Variants in TPPP3 observed in about 807,000 individuals in gnomAD.
TPPP3 encodes tubulin polymerization-promoting protein family member 3.
A neutral mutation model predicts 13.1 loss-of-function variants in TPPP3; 7 were observed. The observed-to-expected ratio is 0.54, with a 90% CI of 0.30 to 1.01. The LOEUF is 1.01. Among genes scored for constraint, TPPP3 ranks in the 50% least tolerant of loss-of-function variants. The pLI is 0.06. For synonymous variants in TPPP3, 87 were observed against 93.7 expected (o/e 0.93, Z 0.41); for missense variants, 185 against 235.0 (o/e 0.79, Z 1.39).
rs2040305791 is a variant in TPPP3 at position 67,390,098 on chromosome 16, C to T, written c.*76G>A. On this transcript the variant is annotated 3_prime_UTR_variant, in exon 4 of 4. Coordinates refer to ENST00000393957, the MANE Select transcript of TPPP3 (RefSeq NM_015964.4). This position sits in a 1 kb window ranked among gnomAD's most constrained non-coding sequence, Gnocchi z 6.4. ...GCAGGGAGGGGACCAGGATCTCTTGCTCCACGTGCCCCTTAGACCCAGGCC... is the reference window on the plus strand; with the variant it reads ...GCAGGGAGGGGACCAGGATCTCTTGTTCCACGTGCCCCTTAGACCCAGGCC... 1 of 1,473,978 alleles carries T rather than the reference C, an allele frequency of 6.8e-7. No individual in the cohort carries two copies. Among genetic ancestry groups the T allele is most frequent in the Admixed American group, 1.9e-5 (1 of 52,236 alleles). 91.3% of individuals were successfully genotyped at this position (1,473,978 alleles called of 1,614,324 possible). A position where few individuals can be genotyped will look rare whatever the true frequency, so the allele number is the denominator to read the frequency against.
Position 67,389,814 on chromosome 16 carries a change from AC to A in TPPP3, c.*359del, listed in dbSNP as rs2040302615. 4.0e-6 allele frequency: 1 copy of A among 247,202 alleles called. No homozygotes were observed. The highest frequency in any genetic ancestry group is 7.9e-6 in the Non-Finnish European group (1 of 126,870). 15.3% of individuals were successfully genotyped at this position (247,202 alleles called of 1,614,324 possible). ...TCATCGTCAACCAGGCCATATTGGT[AC>A]AAAAGGTGTCTTTATTGAGGTCTGG... On this transcript the variant is annotated 3_prime_UTR_variant, in exon 4 of 4. Transcript: ENST00000393957.
In TPPP3 at chr16:67,390,638, A is replaced by T; in HGVS notation, c.189-6T>A. The T allele has an allele frequency of 6.2e-7, 1 of 1,610,378 alleles. No homozygotes were observed. The highest frequency in any genetic ancestry group is 1.3e-5 in the African/African-American group (1 of 74,872). On this transcript the variant is annotated splice_region_variant and splice_polypyrimidine_tract_variant and intron_variant, in intron 2 of 3. Transcript: ENST00000393957. The surrounding 1 kb of genome is among the most constrained non-coding windows in gnomAD (Gnocchi z 6.4). ...TGACCCGAGCAGACTTCCCCCTGAC[A>T]GGCATGTGGGCACCATGAGGGTTCC...
rs1209472159 is a variant in TPPP3 at position 67,392,163 on chromosome 16, C to A, written c.-6-1046G>T. 6.6e-6 allele frequency among the ~76,000 whole-genome samples: 1 copy of A among 151,886 alleles called. No homozygotes were observed. Among genetic ancestry groups the A allele is most frequent in the African/African-American group, 2.4e-5 (1 of 41,294 alleles). On this transcript the variant is annotated intron_variant, in intron 1 of 3. Coordinates refer to ENST00000393957, the MANE Select transcript of TPPP3 (RefSeq NM_015964.4). This position sits in a 1 kb window ranked among gnomAD's most constrained non-coding sequence, Gnocchi z 4.9. ...TGCACTCAGCCCTGGCCTGCCACCC[C>A]CTGGGCCTTGTACCCCTGGCCATAC...
chr16:67,391,043 G>C lies in TPPP3; in HGVS notation c.69C>G (p.Pro23=), dbSNP rs779591844. Residue 23 remains proline, a synonymous_variant, in exon 2 of 4, where the codon CCC becomes CCG. Transcript: ENST00000393957. The surrounding 1 kb of genome is among the most constrained non-coding windows in gnomAD (Gnocchi z 6.3). ...SFRKFAIHGD[P]KASGQEMNGK... is the part of the protein sequence containing the mutation. ...CATTCATCTCTTGCCCACTGGCCTT[G>C]GGGTCACCATGGATGGCAAACTTGC... 6.2e-7 allele frequency: 1 copy of C among 1,614,168 alleles called. No individual in the cohort carries two copies. The highest frequency in any genetic ancestry group is 2.2e-5 in the East Asian group (1 of 44,876).
chr16:67,391,000 G>C lies in TPPP3; in HGVS notation c.112C>G (p.Leu38Val), dbSNP rs146513725. The change falls in exon 2 of 4, where the codon CTG (leucine) becomes GTG (valine). Residue 38 changes from leucine (L) to valine (V), a missense_variant. Physicochemically the swap from Leu to Val is conservative, Grantham distance 32. Transcript: ENST00000393957. The surrounding 1 kb of genome is among the most constrained non-coding windows in gnomAD (Gnocchi z 6.4). ...QEMNGKNWAK[L>V]CKDCKVADGK... ...TCAGCCACCTTGCAGTCCTTGCACA[G>C]CTTGGCCCAGTTCTTGCCATTCATC... is the stretch of plus-strand genomic sequence containing the variant. 3.0e-5 allele frequency: 48 copies of C among 1,614,134 alleles called. No individual in the cohort carries two copies. Among genetic ancestry groups the C allele is most frequent in the Non-Finnish European group, 3.2e-5 (38 of 1,180,048 alleles).
chr16:67,390,168 C>T lies in TPPP3; in HGVS notation c.*6G>A. 1 of 1,613,342 alleles carries T rather than the reference C, an allele frequency of 6.2e-7. No individual in the cohort carries two copies. Among genetic ancestry groups the T allele is most frequent in the Non-Finnish European group, 8.5e-7 (1 of 1,179,404 alleles). The stretch of plus-strand genomic sequence containing the variant: ...GCCGCACTTGGCAGGGCGGTCTTCC[C>T]AAGCCTCACTTCTTCACCTTGGCAT... On this transcript the variant is annotated 3_prime_UTR_variant, in exon 4 of 4. Coordinates refer to ENST00000393957, the MANE Select transcript of TPPP3 (RefSeq NM_015964.4). The surrounding 1 kb of genome is among the most constrained non-coding windows in gnomAD (Gnocchi z 6.4).
chr16:67,390,648 G>T lies in TPPP3; in HGVS notation c.189-16C>A. 3 of 1,603,930 alleles carry T rather than the reference G, an allele frequency of 1.9e-6. No individual in the cohort carries two copies. Among genetic ancestry groups the T allele is most frequent in the Non-Finnish European group, 2.5e-6 (3 of 1,176,598 alleles). ...AGACTTCCCCCTGACAGGCATGTGG[G>T]CACCATGAGGGTTCCCCTTTCTTTT... is the stretch of plus-strand genomic sequence containing the variant. On this transcript the variant is annotated splice_polypyrimidine_tract_variant and intron_variant, in intron 2 of 3. Coordinates refer to ENST00000393957, the MANE Select transcript of TPPP3 (RefSeq NM_015964.4). The surrounding 1 kb of genome is among the most constrained non-coding windows in gnomAD (Gnocchi z 6.4).
rs765404897 is a variant in TPPP3 at position 67,392,622 on chromosome 16, G to A, written c.-7+758C>T. 2.6e-5 allele frequency among the ~76,000 whole-genome samples: 4 copies of A among 151,948 alleles called. No homozygotes were observed. The highest frequency in any genetic ancestry group is 9.7e-5 in the African/African-American group (4 of 41,342). The stretch of plus-strand genomic sequence containing the variant: ...ATTATAAGACTCCCAGGTACTATGC[G>A]GAGATCCCCTGCGTAGAGACCTCCC... On this transcript the variant is annotated intron_variant, in intron 1 of 3. Coordinates refer to ENST00000393957, the MANE Select transcript of TPPP3 (RefSeq NM_015964.4). This position sits in a 1 kb window ranked among gnomAD's most constrained non-coding sequence, Gnocchi z 4.9.
rs1211333354 is a variant in TPPP3, at chr16:67,392,062, ATCATG to A, written c.-6-950_-6-946del. The A allele has an allele frequency of 6.6e-6, 1 of 152,634 alleles. No individual in the cohort carries two copies. The highest frequency in any genetic ancestry group is 2.4e-5 in the African/African-American group (1 of 41,340). 9.5% of individuals were successfully genotyped at this position (152,634 alleles called of 1,614,324 possible). ...TGGGGCTGTGGCTGAAACACACTTCATCATGTCTACACCTCAGACCTCCCCTGGCC... is the reference window on the plus strand; with the variant it reads ...TGGGGCTGTGGCTGAAACACACTTCATCTACACCTCAGACCTCCCCTGGCC... On this transcript the variant is annotated intron_variant, in intron 1 of 3. Transcript: ENST00000393957. The surrounding 1 kb of genome is among the most constrained non-coding windows in gnomAD (Gnocchi z 4.9).
rs779600712 is a variant in TPPP3 at position 67,390,934 on chromosome 16, A to C, written c.178T>G (p.Ser60Ala). 6.2e-7 allele frequency: 1 copy of C among 1,613,956 alleles called. No individual in the cohort carries two copies. Among genetic ancestry groups the C allele is most frequent in the Non-Finnish European group, 8.5e-7 (1 of 1,179,896 alleles). ...CTGCTTAGGGCTCACTTGACTTTGG[A>C]GAAGACGATGTCCACATCGGTCCCT... ...VTGTDVDIVFSKVKGKSARVI... is the reference protein window; with the variant it reads ...VTGTDVDIVFAKVKGKSARVI... Residue 60 changes from serine (S) to alanine (A), a missense_variant, in exon 2 of 4, where the codon TCC becomes GCC. By Grantham distance (99) the Ser-to-Ala change is moderately conservative. Coordinates refer to ENST00000393957, the MANE Select transcript of TPPP3 (RefSeq NM_015964.4). This position sits in a 1 kb window ranked among gnomAD's most constrained non-coding sequence, Gnocchi z 6.4.
At position 67,390,023 on chromosome 16, in the gene TPPP3, G is replaced by C. The variant is rs1444410275; in HGVS notation, c.*151C>G. On this transcript the variant is annotated 3_prime_UTR_variant, in exon 4 of 4. Transcript: ENST00000393957. The surrounding 1 kb of genome is among the most constrained non-coding windows in gnomAD (Gnocchi z 6.4). Reference sequence around the variant, plus strand: ...GCAGAGCAGCCTGGGTCAGAGGCCTGGTGGGCCAGCCCAGTGGGACTAGGC... The same window carrying C: ...GCAGAGCAGCCTGGGTCAGAGGCCTCGTGGGCCAGCCCAGTGGGACTAGGC... 8 of 793,336 alleles carry C rather than the reference G, an allele frequency of 1.0e-5. No individual in the cohort carries two copies. The African/African-American group carries it at 1.2e-4, about 12-fold the overall frequency. 49.1% of individuals were successfully genotyped at this position (793,336 alleles called of 1,614,324 possible).
At position 67,391,101 on chromosome 16, in the gene TPPP3, C is replaced by T. The variant is rs761624639; in HGVS notation, c.11G>A (p.Ser4Asn). ...CTCCTCCAGCCCAGCCATGTCTGTG[C>T]TCGCTGCCATGCCACCCTATAGAGA... The part of the protein sequence containing the change: MAA[S>N]TDMAGLEESF... The change falls in exon 2 of 4, where the codon AGC (serine) becomes AAC (asparagine). Residue 4 changes from serine (S) to asparagine (N), a missense_variant. By Grantham distance (46) the Ser-to-Asn change is conservative (BLOSUM62 1). Coordinates refer to ENST00000393957, the MANE Select transcript of TPPP3 (RefSeq NM_015964.4). The surrounding 1 kb of genome is among the most constrained non-coding windows in gnomAD (Gnocchi z 6.3). 14 of 1,614,112 alleles carry T rather than the reference C, an allele frequency of 8.7e-6. No homozygotes were observed. The South Asian group carries it at 1.3e-4, about 15-fold the overall frequency.
At position 67,392,675 on chromosome 16, in the gene TPPP3, CT is replaced by C. The variant is rs889439555; in HGVS notation, c.-7+704del. On this transcript the variant is annotated intron_variant, in intron 1 of 3. Transcript: ENST00000393957. This position sits in a 1 kb window ranked among gnomAD's most constrained non-coding sequence, Gnocchi z 4.9. The stretch of plus-strand genomic sequence containing the variant: ...CCACATCCCCCTCCTCCACTGCCAC[CT>C]CCTGACCACACCCTCGGTCTCAGCA... 1.6e-4 allele frequency among the ~76,000 whole-genome samples: 25 copies of C among 152,296 alleles called. No homozygotes were observed. The highest frequency in any genetic ancestry group is 5.5e-4 in the African/African-American group (23 of 41,552).
rs2040338220 is a variant in TPPP3, at chr16:67,392,349, CA to C, written c.-7+1030del. Among the ~76,000 whole-genome samples, 1 of 152,026 alleles carries C rather than the reference CA, an allele frequency of 6.6e-6. No individual in the cohort carries two copies. Reference sequence around the variant, plus strand: ...GCCCTCCGCTGCAGACCCCTGGCCACACCCTGAGCCTACACAGCAGCCTTCT... The same window carrying C: ...GCCCTCCGCTGCAGACCCCTGGCCACCCCTGAGCCTACACAGCAGCCTTCT... On this transcript the variant is annotated intron_variant, in intron 1 of 3. Transcript: ENST00000393957. This position sits in a 1 kb window ranked among gnomAD's most constrained non-coding sequence, Gnocchi z 4.9.
chr16:67,391,302 A>G lies in TPPP3; in HGVS notation c.-6-185T>C. On this transcript the variant is annotated intron_variant, in intron 1 of 3. Transcript: ENST00000393957. The surrounding 1 kb of genome is among the most constrained non-coding windows in gnomAD (Gnocchi z 6.3). ...CCTGGGCCACAGAGCCCCAAGGAAG[A>G]GCCCCGGGAGGCACGGTCTTGTCAC... 3 of 620,854 alleles carry G rather than the reference A, an allele frequency of 4.8e-6. No individual in the cohort carries two copies. Among genetic ancestry groups the G allele is most frequent in the Non-Finnish European group, 8.4e-6 (3 of 357,692 alleles). The allele number at this position is 620,854 out of a possible 1,614,324, so 38.5% of individuals were successfully genotyped here.
rs1597525329 is a variant in TPPP3 at position 67,393,436 on chromosome 16, C to T, written c.-63G>A. On this transcript the variant is annotated 5_prime_UTR_variant, in exon 1 of 4. Transcript: ENST00000393957. This position sits in a 1 kb window ranked among gnomAD's most constrained non-coding sequence, Gnocchi z 5.4. ...AGGACAGAACGACGCAGGAATGGAC[C>T]GATGGACGCGGGAGACCAGGCGGCT... 2 of 985,606 alleles carry T rather than the reference C, an allele frequency of 2.0e-6. No individual in the cohort carries two copies. The highest frequency in any genetic ancestry group is 4.7e-5 in the South Asian group (1 of 21,294). The allele number at this position is 985,606 out of a possible 1,614,324, so 61.1% of individuals were successfully genotyped here.
In TPPP3 at chr16:67,389,998, G is replaced by T; in HGVS notation, c.*176C>A. On this transcript the variant is annotated 3_prime_UTR_variant, in exon 4 of 4. Transcript: ENST00000393957. ...GCAGGAAGAGGAGGAGGAAGGGGCC[G>T]CAGAGCAGCCTGGGTCAGAGGCCTG... 1.6e-6 allele frequency: 1 copy of T among 636,634 alleles called. No individual in the cohort carries two copies. Among genetic ancestry groups the T allele is most frequent in the East Asian group, 2.8e-5 (1 of 36,028 alleles). 39.4% of individuals were successfully genotyped at this position (636,634 alleles called of 1,614,324 possible).
rs2040340932 is a variant in TPPP3, at chr16:67,392,538, G to A, written c.-7+842C>T. 1.3e-5 allele frequency among the ~76,000 whole-genome samples: 2 copies of A among 151,752 alleles called. No homozygotes were observed. The highest frequency in any genetic ancestry group is 4.2e-4 in the South Asian group (2 of 4,794). ...GCACCCCTTTGTCCACACACCCTCA[G>A]CCCTCTGGCCACACCCTCAGCCTGC... On this transcript the variant is annotated intron_variant, in intron 1 of 3. Transcript: ENST00000393957. This position sits in a 1 kb window ranked among gnomAD's most constrained non-coding sequence, Gnocchi z 4.9.
At position 67,392,355 on chromosome 16, in the gene TPPP3, G is replaced by A. The variant is rs946644926; in HGVS notation, c.-7+1025C>T. On this transcript the variant is annotated intron_variant, in intron 1 of 3. Transcript: ENST00000393957. The surrounding 1 kb of genome is among the most constrained non-coding windows in gnomAD (Gnocchi z 4.9). Reference sequence around the variant, plus strand: ...CGCTGCAGACCCCTGGCCACACCCTGAGCCTACACAGCAGCCTTCTCCATC... The same window carrying A: ...CGCTGCAGACCCCTGGCCACACCCTAAGCCTACACAGCAGCCTTCTCCATC... Among the ~76,000 whole-genome samples, 2 of 149,040 alleles carry A rather than the reference G, an allele frequency of 1.3e-5. No individual in the cohort carries two copies. The highest frequency in any genetic ancestry group is 4.3e-4 in the South Asian group (2 of 4,686).
Sources: allele counts gnomAD v4.1 joint callset (sites outside exome capture counted in the v4.1 genomes callset), GRCh38; gene constraint gnomAD v4.1.1; non-coding constraint Gnocchi (gnomAD v3.1); transcripts MANE v1.5; gene names NCBI Gene and HGNC (gene_info 2026-07-23, HGNC 2026-07-21).